FAM234A: variants seen among roughly 807,000 people sequenced by gnomAD.
FAM234A encodes the protein family with sequence similarity 234 member A.
FAM234A carries 42 observed loss-of-function variants against 49.1 expected under a neutral mutation model. The ratio of observed to expected loss-of-function variants is 0.86; its 90% CI spans 0.67 to 1.11. The LOEUF (loss-of-function observed/expected upper bound fraction) is 1.11. FAM234A is among the 50% of genes least tolerant of loss of function. The pLI, the probability that FAM234A is intolerant of heterozygous loss-of-function variation, is 0.00. For synonymous variants in FAM234A, 369 were observed against 316.2 expected, an observed-to-expected ratio of 1.17 and a Z score of -1.77; for missense variants, 815 against 745.2, an observed-to-expected ratio of 1.09 and a Z score of -1.09.
At position 259,497 on chromosome 16, in the gene FAM234A, C is replaced by A. The variant is rs907651253; in HGVS notation, c.283C>A (p.Leu95Met). 1 of 1,601,254 alleles carries A rather than the reference C, an allele frequency of 6.2e-7. No individual in the cohort carries two copies. The highest frequency in any genetic ancestry group is 8.6e-7 in the Non-Finnish European group (1 of 1,168,636). Residue 95 changes from leucine to methionine, a missense_variant, in exon 4 of 13, where the codon CTG becomes ATG. Coordinates refer to ENST00000399932, the MANE Select transcript of FAM234A (RefSeq NM_032039.4). ...DYSAAVIYDFLAVDDINGDRI... is the reference protein window; with the variant it reads ...DYSAAVIYDFMAVDDINGDRI... ...TTCTCTTTCAGTTATCTATGACTTT[C>A]TGGCTGTGGATGATATAAACGGGGA...
chr16:258,691 T>A (rs1323185495), intron 3 of FAM234A, among the ~76,000 whole-genome samples: 2 of 152,186 alleles, frequency 1.3e-5, no homozygotes, highest in African/African-American at 4.8e-5. Context: ...GACGGGGTGG[T>A]AGCCGGGCAG....
chr16:243,233 C>T (rs1476622632), intron 1 of FAM234A, among the ~76,000 whole-genome samples: 1 of 152,216 alleles, frequency 6.6e-6, no homozygotes, highest in Non-Finnish European at 1.5e-5. Flanking sequence ...CCTGCCTCAG[C>T]CTCCCAAAGC....
Position 252,878 on chromosome 16 carries a change from G to A in FAM234A, c.-33-1503G>A, listed in dbSNP as rs573382337. ...CGCCTTCCCTCGCTGACCTCCGCAC[G>A]CCCTCTTTCATCTTTCACCCCTCCC... On this transcript the variant is annotated intron_variant, in intron 2 of 12. Transcript: ENST00000399932. Among the ~76,000 whole-genome samples the A allele has an allele frequency of 1.3e-4, 20 of 152,190 alleles. No individual in the cohort carries two copies. The South Asian group carries it at 3.7e-3, about 28-fold the overall frequency.
Position 264,675 on chromosome 16 carries a change from T to A in FAM234A, c.1406T>A (p.Leu469Gln). The A allele has an allele frequency of 1.9e-6, 3 of 1,612,254 alleles. No individual in the cohort carries two copies. Among genetic ancestry groups the A allele is most frequent in the Non-Finnish European group, 2.5e-6 (3 of 1,179,970 alleles). ...MFHPTLPRVL[L>Q]ELANVSTHIV... ...CACCCCACCCTGCCGCGCGTGCTGC[T>A]GGAGCTGGCCAATGTCTCTACCCAC... The change falls in exon 12 of 13, where the codon CTG (leucine) becomes CAG (glutamine). Residue 469 changes from leucine to glutamine, a missense_variant. Leu to Gln is a moderately radical substitution (Grantham distance 113, BLOSUM62 -2). Transcript: ENST00000399932.
chr16:269,676 C>G (rs2051827254), downstream of FAM234A: 2 of 1,011,732 alleles, frequency 2.0e-6, no homozygotes, highest in Non-Finnish European at 3.0e-6. Flanking sequence ...TTGCTGGAGC[C>G]TCCTCCAGCC....
chr16:253,201 C>T (rs1017098872), intron 2 of FAM234A, among the ~76,000 whole-genome samples: 2 of 152,174 alleles, frequency 1.3e-5, no homozygotes, highest in African/African-American at 2.4e-5. Flanking sequence ...GCCGGTTTCC[C>T]CACCGCATCC....
Position 265,946 on chromosome 16 carries a change from C to T in FAM234A, c.*924C>T, listed in dbSNP as rs1465165981. The T allele has an allele frequency of 1.0e-6, 1 of 985,888 alleles. No homozygotes were observed. Among genetic ancestry groups the T allele is most frequent in the Non-Finnish European group, 1.2e-6 (1 of 830,074 alleles). 61.1% of individuals were successfully genotyped at this position (985,888 alleles called of 1,614,324 possible). Reference sequence around the variant, plus strand: ...CCCGATGCAGGACTCACCTCTGTGCCTTGCTGCTCCTGAGGCCCAAGGGCA... The same window carrying T: ...CCCGATGCAGGACTCACCTCTGTGCTTTGCTGCTCCTGAGGCCCAAGGGCA... On this transcript the variant is annotated 3_prime_UTR_variant, in exon 13 of 13. Coordinates refer to ENST00000399932, the MANE Select transcript of FAM234A (RefSeq NM_032039.4).
In FAM234A at chr16:260,164, G is replaced by T; in HGVS notation, c.577+4G>T. 6.2e-7 allele frequency: 1 copy of T among 1,613,048 alleles called. No individual in the cohort carries two copies. On this transcript the variant is annotated splice_donor_region_variant and intron_variant, in intron 5 of 12. Coordinates refer to ENST00000399932, the MANE Select transcript of FAM234A (RefSeq NM_032039.4). ...ATTGCAGTCAACTTGTTCACAGGTA[G>T]GCCAGCCAGGCAGCGGGGTTCTCAC...
chr16:268,370 G>A (rs1232675028), downstream of FAM234A: 1 of 301,950 alleles, frequency 3.3e-6, no homozygotes, highest in Non-Finnish European at 6.4e-6. Flanking sequence ...GGAGTGACTG[G>A]ATGTGAGCCA....
At chr16:269,702 G>A, downstream of FAM234A, 1 of 827,592 alleles carries the variant, frequency 1.2e-6, no homozygotes, top group Non-Finnish European at 1.9e-6. Flanking sequence ...GTCTCCGGCG[G>A]ACAGGGTGCT....
At chr16:268,639 C>T (rs978061989), downstream of FAM234A, 5 of 832,284 alleles carry the variant, frequency 6.0e-6, no homozygotes, top group Non-Finnish European at 5.7e-6. Flanking sequence ...GCCGCGGCCT[C>T]GAGGTGGGAA....
At chr16:250,210 C>T (rs899382482) in intron 2 of FAM234A, among the ~76,000 whole-genome samples, 18 of 152,316 alleles carry the variant, frequency 1.2e-4, no homozygotes, top group South Asian at 6.2e-4. Context: ...GGACTACAGG[C>T]GTGAGCCACC....
chr16:264,296 G>A, intron 11 of FAM234A, 125 bp downstream of exon 11: 2 of 1,074,806 alleles, frequency 1.9e-6, no homozygotes, highest in East Asian at 2.6e-5. Flanking sequence ...TTGAAGTCCA[G>A]TGACAGTCAG....
rs769252843 is a variant in FAM234A at position 263,256 on chromosome 16, G to T, written c.972-6G>T. On this transcript the variant is annotated splice_region_variant and splice_polypyrimidine_tract_variant and intron_variant, in intron 8 of 12. Transcript: ENST00000399932. The stretch of plus-strand genomic sequence containing the variant: ...CGGCGCCCCTTTCTCCCACTCTCCT[G>T]TCTAGCTCTGGAGCAGTGCGCTACC... The T allele has an allele frequency of 1.2e-5, 19 of 1,611,948 alleles. No individual in the cohort carries two copies. The highest frequency in any genetic ancestry group is 1.5e-5 in the Non-Finnish European group (18 of 1,179,890).
At chr16:242,651 C>T (rs563080745) in intron 1 of FAM234A, among the ~76,000 whole-genome samples, 14 of 148,508 alleles carry the variant, frequency 9.4e-5, no homozygotes, top group African/African-American at 3.0e-4. Flanking sequence ...CTCGCTCTGT[C>T]GTCCAGGCTG....
In FAM234A at chr16:259,583, A is replaced by T; in HGVS notation, c.369A>T (p.Arg123=). 6.2e-7 allele frequency: 1 copy of T among 1,602,024 alleles called. No homozygotes were observed. ...KNTNSSNNFS[R]SCVDEGFSSP... ...CCAACAGCAGCAACAATTTCAGCCG[A>T]TCCTGTGTGGACGAAGGTAATTTCA... Residue 123 remains arginine, a synonymous_variant, in exon 4 of 13, where the codon CGA becomes CGT. Transcript: ENST00000399932.
intron 1 of FAM234A, chr16:240,337 A>T (rs145771831): frequency 6.6e-6 from 1 of 152,328 alleles, no homozygotes; most frequent in Non-Finnish European, 1.5e-5. Flanking sequence ...GGGACACAGC[A>T]GACATCTTCC....
At chr16:269,483 AG>A, downstream of FAM234A, 2 of 1,611,244 alleles carry the variant, frequency 1.2e-6, no homozygotes, top group Non-Finnish European at 1.7e-6. Flanking sequence ...CGCCGGCCAC[AG>A]GGCACTGCCT....
intron 1 of FAM234A, among the ~76,000 whole-genome samples, chr16:238,058 G>A (rs1298339153): frequency 1.3e-5 from 2 of 149,900 alleles, no homozygotes; most frequent in African/African-American, 2.5e-5. Context: ...TCGCTCTGTT[G>A]CCCAGGCTGG....
Sources: allele counts gnomAD v4.1 joint callset (sites outside exome capture counted in the v4.1 genomes callset), GRCh38; gene constraint gnomAD v4.1.1; transcripts MANE v1.5; gene names NCBI Gene and HGNC (gene_info 2026-07-23, HGNC 2026-07-21).